Variants in WDR20 observed in about 807,000 individuals in gnomAD.
WDR20 encodes WD repeat domain 20, also known as WD repeat-containing protein 20.
Under a neutral mutation model 38.7 loss-of-function variants are expected in WDR20, and 3 were observed. The observed-to-expected ratio is 0.08, with a 90% CI of 0.04 to 0.20. The LOEUF is 0.20. Among genes scored for constraint, WDR20 ranks in the 10% least tolerant of loss-of-function variants. The probability of loss-of-function intolerance (pLI) is 1.00; values close to 1 mark genes in which losing one functional copy is unlikely to be tolerated. For synonymous variants in WDR20, 298 were observed against 285.6 expected (o/e 1.04, Z -0.44); for missense variants, 559 against 727.7 (o/e 0.77, Z 2.67).
At chr14:102,171,149 A>C (rs1286929280) in intron 1 of WDR20, among the ~76,000 whole-genome samples, 1 of 150,054 alleles carries the variant, frequency 6.7e-6, no homozygotes, top group African/African-American at 2.5e-5. Flanking sequence ...ACGGTGTTTC[A>C]CCATGTTGGT....
intron 1 of WDR20, among the ~76,000 whole-genome samples, chr14:102,156,415 G>A (rs954110898): frequency 6.6e-6 from 1 of 151,426 alleles, no homozygotes; most frequent in African/African-American, 2.4e-5. Context: ...TGATCTGCCC[G>A]CCTCGGCCTC....
downstream of WDR20, among the ~76,000 whole-genome samples, chr14:102,215,371 TC>T (rs1012953864): frequency 2.0e-5 from 3 of 152,166 alleles, no homozygotes; most frequent in African/African-American, 7.2e-5. Context: ...GGACTCACTA[TC>T]CCGGATGCTG....
downstream of WDR20, among the ~76,000 whole-genome samples, chr14:102,217,625 G>A (rs2063375265): frequency 6.7e-6 from 1 of 149,696 alleles, no homozygotes; most frequent in African/African-American, 2.4e-5. Flanking sequence ...CAGGGTTCCC[G>A]GCTCTGTGGC....
intron 1 of WDR20, among the ~76,000 whole-genome samples, chr14:102,160,522 G>C (rs373147003): frequency 5.9e-5 from 9 of 152,082 alleles, no homozygotes; most frequent in East Asian, 5.8e-4. Flanking sequence ...GATCTATATT[G>C]GAGATCTTTC....
downstream of WDR20, among the ~76,000 whole-genome samples, chr14:102,212,055 T>C (rs573031281): frequency 4.6e-4 from 70 of 152,254 alleles, no homozygotes; most frequent in South Asian, 0.014. Context: ...AGGGGTACAC[T>C]GACAGGTGAC....
chr14:102,144,916 C>T (rs2053060365), intron 1 of WDR20, among the ~76,000 whole-genome samples: 1 of 152,136 alleles, frequency 6.6e-6, no homozygotes, highest in Non-Finnish European at 1.5e-5. Flanking sequence ...CCAGGCTGGT[C>T]TTGAACTCCT....
At chr14:102,202,784 C>T (rs1465781046) in intron 2 of WDR20, among the ~76,000 whole-genome samples, 1 of 152,110 alleles carries the variant, frequency 6.6e-6, no homozygotes. Context: ...CACTGTGTCA[C>T]CCAGGCTGGA....
chr14:102,191,993 T>C (rs945766722), intron 1 of WDR20, among the ~76,000 whole-genome samples: 4 of 152,202 alleles, frequency 2.6e-5, no homozygotes, highest in African/African-American at 9.6e-5. Context: ...TCAACAGATA[T>C]AAAATTTGTC....
At chr14:102,172,778 G>A (rs1185595626) in intron 1 of WDR20, among the ~76,000 whole-genome samples, 3 of 150,008 alleles carry the variant, frequency 2.0e-5, no homozygotes, top group African/African-American at 4.9e-5. Context: ...CCCAGACGGG[G>A]TGGCTGCTGG....
chr14:102,216,698 G>C (rs908167737), downstream of WDR20, among the ~76,000 whole-genome samples: 4 of 152,220 alleles, frequency 2.6e-5, no homozygotes, highest in Admixed American at 2.6e-4. Flanking sequence ...GGGAGGCCGA[G>C]GCGGGTGGAT....
downstream of WDR20, among the ~76,000 whole-genome samples, chr14:102,212,143 C>T (rs1034909227): frequency 2.0e-5 from 3 of 152,158 alleles, no homozygotes; most frequent in Non-Finnish European, 4.4e-5. Flanking sequence ...AAAACAACTC[C>T]GAAGTGTGCT....
downstream of WDR20, chr14:102,212,977 C>G: frequency 1.0e-6 from 1 of 1,003,942 alleles, no homozygotes; most frequent in Non-Finnish European, 1.2e-6. Context: ...AAGGCTCAGA[C>G]GAAAGTCAGG....
intron 2 of WDR20, among the ~76,000 whole-genome samples, chr14:102,199,976 G>A (rs375269414): frequency 2.0e-4 from 30 of 152,282 alleles, no homozygotes; most frequent in African/African-American, 7.2e-4. Context: ...GACACCATAG[G>A]GCTCACACCT....
Position 102,209,145 on chromosome 14 carries a change from G to T in WDR20, c.975G>T (p.Met325Ile). Reference protein sequence around the residue: ...YTTSVEEGDPMEFSGSDEDFQ... With the variant: ...YTTSVEEGDPIEFSGSDEDFQ... Reference sequence around the variant, plus strand: ...CTAGTGTAGAAGAAGGTGACCCTATGGAGTTTAGTGGCAGCGATGAGGACT... The same window carrying T: ...CTAGTGTAGAAGAAGGTGACCCTATTGAGTTTAGTGGCAGCGATGAGGACT... The change falls in exon 3 of 3, where the codon ATG becomes ATT. Residue 325 changes from methionine to isoleucine, a missense_variant. By Grantham distance (10) the Met-to-Ile change is conservative (BLOSUM62 1). Transcript: ENST00000342702. This position sits in a 1 kb window ranked among gnomAD's most constrained non-coding sequence, Gnocchi z 6.0. 6.2e-7 allele frequency: 1 copy of T among 1,614,042 alleles called. No homozygotes were observed. The highest frequency in any genetic ancestry group is 8.5e-7 in the Non-Finnish European group (1 of 1,179,998).
At chr14:102,156,041 G>A (rs918374521) in intron 1 of WDR20, among the ~76,000 whole-genome samples, 3 of 150,676 alleles carry the variant, frequency 2.0e-5, no homozygotes, top group Non-Finnish European at 4.4e-5. Context: ...GCCTCCCAAA[G>A]CATTGGGATT....
intron 1 of WDR20, among the ~76,000 whole-genome samples, chr14:102,142,303 A>G (rs930069019): frequency 6.6e-6 from 1 of 152,038 alleles, no homozygotes; most frequent in Admixed American, 6.6e-5. Flanking sequence ...GTTGGCATTT[A>G]TTTGTTGTTA....
chr14:102,169,186 C>A (rs1448923681), intron 1 of WDR20, among the ~76,000 whole-genome samples: 1 of 152,148 alleles, frequency 6.6e-6, no homozygotes, highest in Non-Finnish European at 1.5e-5. Context: ...GAATCCTTAG[C>A]CCCTCTGCTT....
Position 102,222,279 on chromosome 14 carries a change from G to T in WDR20, c.1693-551G>T, listed in dbSNP as rs1190235613. Reference sequence around the variant, plus strand: ...GGCCTGGGCCCTGCTGTCTCTACCTGTGGGGCCTACACATGTGGACAGCTA... The same window carrying T: ...GGCCTGGGCCCTGCTGTCTCTACCTTTGGGGCCTACACATGTGGACAGCTA... On this transcript the variant is annotated intron_variant, in intron 3 of 3. Transcript: ENST00000335263. This position sits in a 1 kb window ranked among gnomAD's most constrained non-coding sequence, Gnocchi z 4.4. Among the ~76,000 whole-genome samples the T allele has an allele frequency of 2.6e-5, 4 of 152,206 alleles. No individual in the cohort carries two copies. The highest frequency in any genetic ancestry group is 5.9e-5 in the Non-Finnish European group (4 of 68,036).
In WDR20 at chr14:102,209,210, G is replaced by T. The variant is rs2062086616; in HGVS notation, c.1040G>T (p.Ser347Ile). Residue 347 changes from serine (S) to isoleucine (I), a missense_variant, in exon 3 of 3, where the codon AGT becomes ATT. Physicochemically the swap from Ser to Ile is moderately radical, Grantham distance 142. Transcript: ENST00000342702. The surrounding 1 kb of genome is among the most constrained non-coding windows in gnomAD (Gnocchi z 6.0). Reference sequence around the variant, plus strand: ...CATTTTGGCAGAGATCGAGCAAATAGTACACAGTCCAGGCTCTCCAAACGG... The same window carrying T: ...CATTTTGGCAGAGATCGAGCAAATATTACACAGTCCAGGCTCTCCAAACGG... ...LLHFGRDRANSTQSRLSKRNS... is the reference protein window; with the variant it reads ...LLHFGRDRANITQSRLSKRNS... The T allele has an allele frequency of 6.2e-7, 1 of 1,614,034 alleles. No individual in the cohort carries two copies. Among genetic ancestry groups the T allele is most frequent in the Admixed American group, 1.7e-5 (1 of 59,996 alleles).
Sources: gnomAD v4.1 joint callset for allele counts (sites outside exome capture counted in the v4.1 genomes callset) on GRCh38, gnomAD v4.1.1 for gene constraint, Gnocchi (gnomAD v3.1) non-coding constraint, MANE v1.5 for transcripts, NCBI Gene and HGNC (gene_info 2026-07-23, HGNC 2026-07-21) for gene names.